The following PIBF1 variants were observed in gnomAD, a reference collection of about 807,000 sequenced individuals.
PIBF1 encodes the protein progesterone-induced-blocking factor 1.
Under a neutral mutation model 112.5 loss-of-function variants are expected in PIBF1, and 90 were observed. The ratio of observed to expected loss-of-function variants is 0.80; its 90% confidence interval spans 0.67 to 0.95. The LOEUF is 0.95. Ranked by LOEUF, PIBF1 falls within the 40% of genes least tolerant of loss-of-function variation. The probability of loss-of-function intolerance (pLI) is 0.00; values close to 1 mark genes in which losing one functional copy is unlikely to be tolerated. For missense variants in PIBF1, 915 were observed against 852.3 expected (o/e 1.07, Z -0.92); for synonymous variants, 301 against 288.6 (o/e 1.04, Z -0.44).
intron 5 of PIBF1, among the ~76,000 whole-genome samples, chr13:72,801,121 T>C (rs1214843002): frequency 6.6e-6 from 1 of 152,164 alleles, no homozygotes; most frequent in Non-Finnish European, 1.5e-5. Flanking sequence ...GTAGTTAAGA[T>C]CAGAGAGGTA....
chr13:72,983,500 G>T (rs2043203179), intron 16 of PIBF1, among the ~76,000 whole-genome samples: 3 of 152,082 alleles, frequency 2.0e-5, no homozygotes. Flanking sequence ...TATTATCCTG[G>T]ATAACTTTCT....
intron 13 of PIBF1, among the ~76,000 whole-genome samples, chr13:72,927,652 T>A (rs1177509605): frequency 6.6e-6 from 1 of 152,064 alleles, no homozygotes; most frequent in Non-Finnish European, 1.5e-5. Flanking sequence ...CTAATTTTTT[T>A]TTACTGTTTT....
chr13:72,974,613 A>G (rs2042975447), intron 16 of PIBF1, among the ~76,000 whole-genome samples: 1 of 152,116 alleles, frequency 6.6e-6, no homozygotes, highest in African/African-American at 2.4e-5. Context: ...GCCTGTACAT[A>G]CATCTACATT....
At chr13:72,981,045 G>T (rs1216778404) in intron 16 of PIBF1, among the ~76,000 whole-genome samples, 1 of 151,702 alleles carries the variant, frequency 6.6e-6, no homozygotes, top group Non-Finnish European at 1.5e-5. Context: ...AGGAGTTCGA[G>T]ACCAGCCTGG....
At chr13:72,966,742 C>G (rs1427981310) in intron 15 of PIBF1, among the ~76,000 whole-genome samples, 3 of 151,890 alleles carry the variant, frequency 2.0e-5, no homozygotes, top group Non-Finnish European at 4.4e-5. Flanking sequence ...AACCCTGTCT[C>G]GACTACAAAT....
intron 3 of PIBF1, among the ~76,000 whole-genome samples, chr13:72,794,937 C>T (rs1455554152): frequency 2.0e-5 from 3 of 152,144 alleles, no homozygotes; most frequent in East Asian, 1.9e-4. Flanking sequence ...GTTTTCATTA[C>T]CTCATTGGTT....
intron 10 of PIBF1, among the ~76,000 whole-genome samples, chr13:72,858,018 G>A (rs949962840): frequency 4.0e-5 from 1 of 24,714 alleles, no homozygotes; most frequent in African/African-American, 2.1e-4. Flanking sequence ...AAGTACAAAT[G>A]TACATTGTGT....
At chr13:72,937,562 G>A (rs1411462486) in intron 14 of PIBF1, among the ~76,000 whole-genome samples, 1 of 152,172 alleles carries the variant, frequency 6.6e-6, no homozygotes, top group African/African-American at 2.4e-5. Context: ...GCTCATGCCT[G>A]TAATCCTAGC....
chr13:72,892,452 A>C (rs2040094108), intron 10 of PIBF1, among the ~76,000 whole-genome samples: 1 of 152,086 alleles, frequency 6.6e-6, no homozygotes, highest in Non-Finnish European at 1.5e-5. Context: ...CACTGACAGG[A>C]GTGAAATAGC....
intron 16 of PIBF1, among the ~76,000 whole-genome samples, chr13:72,994,712 C>A (rs2043592335): frequency 6.6e-6 from 1 of 151,960 alleles, no homozygotes; most frequent in Non-Finnish European, 1.5e-5. Context: ...AAGCCAATAC[C>A]CAGAAGCCAG....
chr13:72,985,531 G>A (rs2043260613), intron 16 of PIBF1, among the ~76,000 whole-genome samples: 3 of 151,972 alleles, frequency 2.0e-5, no homozygotes, highest in African/African-American at 7.3e-5. Flanking sequence ...GCAACAGGGT[G>A]AGACTCCGTC....
intron 13 of PIBF1, among the ~76,000 whole-genome samples, chr13:72,928,265 A>G (rs988278331): frequency 2.6e-4 from 40 of 151,772 alleles, no homozygotes; most frequent in African/African-American, 8.5e-4. Flanking sequence ...AAATTGTACT[A>G]TAAACTAGTA....
At chr13:72,848,926 G>A (rs2038002234) in intron 9 of PIBF1, among the ~76,000 whole-genome samples, 1 of 152,038 alleles carries the variant, frequency 6.6e-6, no homozygotes, top group Non-Finnish European at 1.5e-5. Flanking sequence ...GAAAGTAGTG[G>A]TTTGTGTGTG....
At chr13:72,927,682 T>C (rs1478941789) in intron 13 of PIBF1, among the ~76,000 whole-genome samples, 2 of 151,906 alleles carry the variant, frequency 1.3e-5, no homozygotes, top group Non-Finnish European at 2.9e-5. Context: ...GTAAGTATTA[T>C]AATGATGAAA....
intron 12 of PIBF1, among the ~76,000 whole-genome samples, chr13:72,910,091 T>C (rs2040844500): frequency 6.6e-6 from 1 of 152,224 alleles, no homozygotes; most frequent in African/African-American, 2.4e-5. Flanking sequence ...GGCACATTTT[T>C]GCATAAGGAC....
chr13:72,829,655 A>C (rs1260307241), intron 8 of PIBF1, among the ~76,000 whole-genome samples: 1 of 152,174 alleles, frequency 6.6e-6, no homozygotes, highest in East Asian at 1.9e-4. Flanking sequence ...TTTTGGTACC[A>C]GTACTGTGCT....
intron 16 of PIBF1, among the ~76,000 whole-genome samples, chr13:72,996,614 C>G (rs892869038): frequency 5.3e-5 from 8 of 152,072 alleles, no homozygotes; most frequent in Non-Finnish European, 4.4e-5. Flanking sequence ...ATAGTAAGAC[C>G]TCATCTCTAC....
chr13:72,790,420 A>ATCAC (rs1039074797), intron 2 of PIBF1, among the ~76,000 whole-genome samples: 10 of 54,060 alleles, frequency 1.8e-4, no homozygotes, highest in African/African-American at 6.6e-4. Context: ...GGAGGAGTCC[A>ATCAC]TCACACACAC....
chr13:72,819,495 A>G (rs1019415376), intron 5 of PIBF1, among the ~76,000 whole-genome samples: 2 of 152,100 alleles, frequency 1.3e-5, no homozygotes, highest in Non-Finnish European at 2.9e-5. Flanking sequence ...TTCTCTAGCT[A>G]CTATACTTTC....
Sources: allele counts gnomAD v4.1 joint callset (sites outside exome capture counted in the v4.1 genomes callset), GRCh38; gene constraint gnomAD v4.1.1; transcripts MANE v1.5; gene names NCBI Gene and HGNC (gene_info 2026-07-23, HGNC 2026-07-21).